The following CDON variants were observed in gnomAD, a reference collection of about 807,000 sequenced individuals.
CDON encodes the protein cell adhesion molecule-related/down-regulated by oncogenes.
In CDON, 73 loss-of-function variants were observed where a neutral mutation model predicts 120.9. The ratio of observed to expected loss-of-function variants is 0.60; its 90% CI spans 0.50 to 0.73. The LOEUF is 0.73. Ranked by LOEUF, CDON falls within the 30% of genes least tolerant of loss-of-function variation. The pLI is 0.00. For missense variants in CDON, 1,470 were observed against 1,587.3 expected (o/e 0.93, Z 1.26); for synonymous variants, 566 against 573.5 (o/e 0.99, Z 0.19).
At chr11:125,976,654 C>T (rs775501655) in intron 18 of CDON, among the ~76,000 whole-genome samples, 63 of 151,736 alleles carry the variant, frequency 4.2e-4, no homozygotes, top group Non-Finnish European at 6.5e-4. Context: ...ATACAAATAG[C>T]CACAAAGCCA....
chr11:126,017,014 A>C, intron 6 of CDON, 74 bp downstream of exon 6: 2 of 1,229,800 alleles, frequency 1.6e-6, no homozygotes, highest in Non-Finnish European at 2.3e-6. Flanking sequence ...TTTCACAAAT[A>C]GATCTTTCCT....
At chr11:126,019,579 TG>T (rs746429001) in intron 4 of CDON, 39 bp downstream of exon 4, 42 of 1,611,096 alleles carry the variant, frequency 2.6e-5, no homozygotes, top group Non-Finnish European at 3.6e-5. Context: ...AATGAGCATT[TG>T]TTCTGTGTGT....
At position 126,017,041 on chromosome 11, in the gene CDON, C is replaced by A. The variant is rs765004313; in HGVS notation, c.928+47G>T. 2.6e-6 allele frequency: 4 copies of A among 1,513,776 alleles called. No individual in the cohort carries two copies. The South Asian group carries it at 4.5e-5, about 17-fold the overall frequency. 93.8% of individuals were successfully genotyped at this position (1,513,776 alleles called of 1,614,324 possible). A position where few individuals can be genotyped will look rare whatever the true frequency, so the allele number is the denominator to read the frequency against. Reference sequence around the variant, plus strand: ...ATCTTTCCTTCAGGTATCAGTTAGACCAGAAAAATGGCTTCATTTGAAAAA... The same window carrying A: ...ATCTTTCCTTCAGGTATCAGTTAGAACAGAAAAATGGCTTCATTTGAAAAA... On this transcript the variant is annotated intron_variant, in intron 6 of 19. Coordinates refer to ENST00000531738, the MANE Select transcript of CDON (RefSeq NM_001378964.1).
chr11:126,060,447 A>G (rs1948770368), intron 1 of CDON, among the ~76,000 whole-genome samples: 1 of 151,840 alleles, frequency 6.6e-6, no homozygotes, highest in Non-Finnish European at 1.5e-5. Flanking sequence ...CTCATTATTT[A>G]TTTTCTAACG....
At position 125,981,453 on chromosome 11, in the gene CDON, C is replaced by CTTT. The variant is rs147478590; in HGVS notation, c.2996-125_2996-124insAAA. Reference sequence around the variant, plus strand: ...ACGCACACACGCACACAGTAAGACACTAAAAAGGACAATCTTCTTGCTGAG... The same window carrying CTTT: ...ACGCACACACGCACACAGTAAGACACTTTTAAAAAGGACAATCTTCTTGCTGAG... On this transcript the variant is annotated intron_variant, in intron 16 of 19. Transcript: ENST00000531738. 1,432 of 980,792 alleles carry CTTT rather than the reference C, an allele frequency of 1.5e-3. 9 individuals are homozygous for CTTT. The African/African-American group carries it at 0.02, about 14-fold the overall frequency. The allele number at this position is 980,792 out of a possible 1,614,324, so 60.8% of individuals were successfully genotyped here.
intron 7 of CDON, among the ~76,000 whole-genome samples, chr11:126,013,152 T>C (rs1338958250): frequency 1.3e-5 from 2 of 152,226 alleles, no homozygotes; most frequent in Admixed American, 6.5e-5. Flanking sequence ...ATAGGGTGAA[T>C]GACACTCTAC....
At chr11:126,002,322 G>A (rs1019773860) in intron 10 of CDON, among the ~76,000 whole-genome samples, 1 of 152,140 alleles carries the variant, frequency 6.6e-6, no homozygotes, top group Non-Finnish European at 1.5e-5. Flanking sequence ...AGTATTTATA[G>A]GTCAGACTCC....
rs4288765 is a variant in CDON, at chr11:126,005,619, G to A, written c.1851+140C>T. 0.24 allele frequency: 189,488 copies of A among 776,838 alleles called. 25,094 individuals carry two copies. The highest frequency in any genetic ancestry group is 0.51 in the East Asian group (19,968 of 39,450). The allele number at this position is 776,838 out of a possible 1,614,324, so 48.1% of individuals were successfully genotyped here. On this transcript the variant is annotated intron_variant, in intron 9 of 19. Transcript: ENST00000531738. ...AGGATTGGTAAATCCAGCATGACTG[G>A]GATCTCTCTGACAAACTCATCAGTC...
chr11:126,003,926 T>C lies in CDON; in HGVS notation c.2002A>G (p.Met668Val), dbSNP rs1250566640. The change falls in exon 10 of 20, where the codon ATG becomes GTG. Residue 668 changes from methionine (M) to valine (V), a missense_variant. By Grantham distance (21) the Met-to-Val change is conservative. Transcript: ENST00000531738. ...CCTTTGCTGGTTCGGAAGGTAAGCA[T>C]GGCAGGTTGGCCTTCACCTGCTGCG... ...RSAAGEGQPA[M>V]LTFRTSKEKT... 10 of 1,614,174 alleles carry C rather than the reference T, an allele frequency of 6.2e-6. No homozygotes were observed. The highest frequency in any genetic ancestry group is 4.5e-5 in the East Asian group (2 of 44,886).
At chr11:125,969,553 T>C (rs1945902465) in intron 18 of CDON, among the ~76,000 whole-genome samples, 2 of 152,226 alleles carry the variant, frequency 1.3e-5, no homozygotes, top group South Asian at 4.1e-4. Context: ...CAAATGCAGT[T>C]ATTACTGGCT....
At chr11:126,061,987 G>T (rs1219499393) in intron 1 of CDON, among the ~76,000 whole-genome samples, 1 of 152,184 alleles carries the variant, frequency 6.6e-6, no homozygotes, top group Non-Finnish European at 1.5e-5. Context: ...AGCAACAAAG[G>T]TCTGGAAGCT....
intron 1 of CDON, 117 bp downstream of exon 1, chr11:126,062,462 G>C (rs1345992376): frequency 1.3e-5 from 2 of 152,370 alleles, no homozygotes; most frequent in African/African-American, 2.4e-5. Context: ...CGCCCTCCAG[G>C]GAACGCCGGC....
chr11:125,996,886 T>C (rs1565514202), intron 12 of CDON, among the ~76,000 whole-genome samples: 1 of 151,962 alleles, frequency 6.6e-6, no homozygotes. Flanking sequence ...ACTAAAAATA[T>C]GCATCTGCCA....
chr11:125,993,142 T>C (rs565549237), intron 14 of CDON, among the ~76,000 whole-genome samples: 58 of 152,296 alleles, frequency 3.8e-4, no homozygotes, highest in African/African-American at 1.3e-3. Context: ...TACCTGAAGG[T>C]AGCTATCGTG....
chr11:126,009,143 C>T (rs537381475), intron 8 of CDON, among the ~76,000 whole-genome samples: 3 of 152,200 alleles, frequency 2.0e-5, no homozygotes, highest in Non-Finnish European at 2.9e-5. Context: ...ACACAGCCCA[C>T]GTGCTCAGCC....
chr11:126,008,415 C>T (rs907495507), intron 8 of CDON, among the ~76,000 whole-genome samples: 3 of 152,066 alleles, frequency 2.0e-5, no homozygotes, highest in Non-Finnish European at 2.9e-5. Flanking sequence ...AAAAAGACAA[C>T]GTAGGACCTC....
chr11:125,958,996 G>A lies in CDON; in HGVS notation c.*1946C>T, dbSNP rs1475131547. ...TAAGGGATGCAGCTATCCCCCTCCA[G>A]AGCTAACTGCATTTAAGCAACATGA... On this transcript the variant is annotated 3_prime_UTR_variant, in exon 20 of 20. Coordinates refer to ENST00000531738, the MANE Select transcript of CDON (RefSeq NM_001378964.1). 1 of 152,128 alleles carries A rather than the reference G, an allele frequency of 6.6e-6. No homozygotes were observed. The highest frequency in any genetic ancestry group is 1.5e-5 in the Non-Finnish European group (1 of 68,036). 9.4% of individuals were successfully genotyped at this position (152,128 alleles called of 1,614,324 possible).
At chr11:126,033,114 T>C (rs1430404286) in intron 1 of CDON, among the ~76,000 whole-genome samples, 1 of 152,168 alleles carries the variant, frequency 6.6e-6, no homozygotes, top group Non-Finnish European at 1.5e-5. Flanking sequence ...ATTTCCCCAC[T>C]GCTGTGACTG....
At chr11:126,025,675 A>G (rs1325804498) in intron 1 of CDON, among the ~76,000 whole-genome samples, 2 of 152,212 alleles carry the variant, frequency 1.3e-5, no homozygotes, top group African/African-American at 2.4e-5. Flanking sequence ...AAATCAGTAC[A>G]TACTTTTTGG....
Sources: gnomAD v4.1 joint callset for allele counts (sites outside exome capture counted in the v4.1 genomes callset) on GRCh38, gnomAD v4.1.1 for gene constraint, MANE v1.5 for transcripts, NCBI Gene and HGNC (gene_info 2026-07-23, HGNC 2026-07-21) for gene names.